The following LRMDA variants were observed in gnomAD, a reference collection of about 807,000 sequenced individuals.
LRMDA encodes leucine rich melanocyte differentiation associated.
Under a neutral mutation model 29.8 loss-of-function variants are expected in LRMDA, and 18 were observed. The observed-to-expected ratio is 0.60, with a 90% CI of 0.42 to 0.90. The LOEUF is 0.90. Ranked by LOEUF, LRMDA falls within the 40% of genes least tolerant of loss-of-function variation. The pLI is 0.00. For synonymous variants in LRMDA, 125 were observed against 109.4 expected, an observed-to-expected ratio of 1.14 and a Z score of -0.89; for missense variants, 273 against 273.9, an observed-to-expected ratio of 1.00 and a Z score of 0.02.
chr10:75,718,290 G>A (rs1842526215), intron 2 of LRMDA, among the ~76,000 whole-genome samples: 2 of 152,224 alleles, frequency 1.3e-5, no homozygotes, highest in African/African-American at 4.8e-5. Flanking sequence ...TCTCTTCTGG[G>A]TGTTTCTATT....
chr10:75,705,732 C>G (rs1446734350), intron 2 of LRMDA, among the ~76,000 whole-genome samples: 1 of 152,156 alleles, frequency 6.6e-6, no homozygotes, highest in Non-Finnish European at 1.5e-5. Flanking sequence ...GGCTCTTATT[C>G]CATCCTTTCC....
At chr10:76,231,166 AAG>A (rs1203177440) in intron 5 of LRMDA, among the ~76,000 whole-genome samples, 1 of 152,184 alleles carries the variant, frequency 6.6e-6, no homozygotes, top group East Asian at 1.9e-4. Flanking sequence ...AAAAAAGAAA[AAG>A]AAAAAAAAAT....
intron 2 of LRMDA, among the ~76,000 whole-genome samples, chr10:75,655,875 C>G (rs1259533323): frequency 6.6e-6 from 1 of 152,026 alleles, no homozygotes; most frequent in Non-Finnish European, 1.5e-5. Flanking sequence ...GAGCCTGGGC[C>G]CCTTCACCTG....
chr10:76,103,538 C>G (rs1014228521), intron 5 of LRMDA, among the ~76,000 whole-genome samples: 3 of 152,134 alleles, frequency 2.0e-5, no homozygotes, highest in Non-Finnish European at 4.4e-5. Flanking sequence ...CATGATGGAG[C>G]CTGACTTACT....
At chr10:76,085,675 T>G (rs914074275) in intron 5 of LRMDA, among the ~76,000 whole-genome samples, 2 of 152,198 alleles carry the variant, frequency 1.3e-5, no homozygotes, top group African/African-American at 4.8e-5. Flanking sequence ...TGCTGCAGAA[T>G]GCTGTGGGAT....
chr10:75,711,164 C>T (rs1336554922), intron 2 of LRMDA, among the ~76,000 whole-genome samples: 1 of 152,168 alleles, frequency 6.6e-6, no homozygotes, highest in Non-Finnish European at 1.5e-5. Context: ...ATCTTTCAGG[C>T]TTCTTTCTTA....
chr10:75,948,066 C>T (rs1415559178), intron 2 of LRMDA, among the ~76,000 whole-genome samples: 1 of 152,230 alleles, frequency 6.6e-6, no homozygotes, highest in Admixed American at 6.5e-5. Context: ...CAGACACTCA[C>T]ATGCCCACTG....
intron 2 of LRMDA, among the ~76,000 whole-genome samples, chr10:75,536,049 TG>T (rs1028742179): frequency 3.3e-5 from 5 of 152,196 alleles, no homozygotes; most frequent in African/African-American, 1.2e-4. Context: ...TTGTCTGACC[TG>T]GCTGCTTGTC....
intron 2 of LRMDA, among the ~76,000 whole-genome samples, chr10:75,453,132 C>CA (rs1844478581): frequency 6.6e-6 from 1 of 151,966 alleles, no homozygotes; most frequent in African/African-American, 2.4e-5. Context: ...TTTGTTTACC[C>CA]AAAAAAGATA....
chr10:75,980,507 A>AT (rs1242266498), intron 2 of LRMDA, among the ~76,000 whole-genome samples: 3 of 152,060 alleles, frequency 2.0e-5, no homozygotes, highest in Non-Finnish European at 2.9e-5. Flanking sequence ...AACTTGATAG[A>AT]TTTTTTTGGC....
intron 2 of LRMDA, among the ~76,000 whole-genome samples, chr10:75,661,009 G>C (rs7917103): frequency 0.062 from 9,409 of 152,178 alleles, 414 homozygotes; most frequent in South Asian, 0.12. Context: ...CAGCGGGACA[G>C]AGCCACAGAG....
At chr10:75,898,998 A>C (rs1845628565) in intron 2 of LRMDA, among the ~76,000 whole-genome samples, 1 of 152,230 alleles carries the variant, frequency 6.6e-6, no homozygotes, top group Non-Finnish European at 1.5e-5. Context: ...ACACAGGTAC[A>C]TGCTCTATAC....
At position 76,096,985 on chromosome 10, in the gene LRMDA, G is replaced by A. The variant is rs1258886295; in HGVS notation, c.516+38202G>A. ...TTTTTTTTTTCAAATTGACAATCAT[G>A]TTACTTTTATTTTTATTTTATTTTA... is the stretch of plus-strand genomic sequence containing the variant. On this transcript the variant is annotated intron_variant, in intron 5 of 6. Transcript: ENST00000611255. 4.7e-5 allele frequency among the ~76,000 whole-genome samples: 7 copies of A among 148,976 alleles called. No homozygotes were observed. The East Asian group carries it at 1.4e-3, about 29-fold the overall frequency.
At chr10:76,518,234 G>C (rs1372376014) in intron 6 of LRMDA, among the ~76,000 whole-genome samples, 1 of 151,690 alleles carries the variant, frequency 6.6e-6, no homozygotes, top group Non-Finnish European at 1.5e-5. Flanking sequence ...CTATATATCT[G>C]TCTATCTACC....
At chr10:76,248,476 T>C (rs1852416040) in intron 5 of LRMDA, among the ~76,000 whole-genome samples, 1 of 152,204 alleles carries the variant, frequency 6.6e-6, no homozygotes. Flanking sequence ...AAACATTTCT[T>C]AACATCCTAA....
chr10:76,465,764 A>T (rs1260832680), intron 6 of LRMDA, among the ~76,000 whole-genome samples: 2 of 151,934 alleles, frequency 1.3e-5, no homozygotes, highest in African/African-American at 4.8e-5. Flanking sequence ...TAAGATCAAG[A>T]TGTTGGTGGG....
intron 6 of LRMDA, among the ~76,000 whole-genome samples, chr10:76,427,630 C>T (rs1355623331): frequency 6.6e-6 from 1 of 152,154 alleles, no homozygotes; most frequent in African/African-American, 2.4e-5. Context: ...GCCAGAACCT[C>T]CAACACTATG....
chr10:76,082,074 C>G (rs973876372), intron 5 of LRMDA, among the ~76,000 whole-genome samples: 4 of 152,124 alleles, frequency 2.6e-5, no homozygotes, highest in African/African-American at 4.8e-5. Context: ...ACAGATTCAC[C>G]TACCTGAGGA....
At chr10:76,193,188 G>A (rs1042141085) in intron 5 of LRMDA, among the ~76,000 whole-genome samples, 53 of 152,194 alleles carry the variant, frequency 3.5e-4, no homozygotes, top group Non-Finnish European at 1.0e-4. Flanking sequence ...TTAGCAATGT[G>A]ATGGAAGATA....
Sources: allele counts gnomAD v4.1 joint callset (sites outside exome capture counted in the v4.1 genomes callset), GRCh38; gene constraint gnomAD v4.1.1; transcripts MANE v1.5; gene names NCBI Gene and HGNC (gene_info 2026-07-23, HGNC 2026-07-21).